Variants in TNR observed in about 807,000 individuals in gnomAD.
TNR encodes the protein tenascin R.
TNR carries 45 observed loss-of-function variants against 150.4 expected under a neutral mutation model. That is an observed-to-expected ratio of 0.30 (90% CI 0.24 to 0.38). The LOEUF (loss-of-function observed/expected upper bound fraction) is 0.38. Among genes scored for constraint, TNR ranks in the 10% least tolerant of loss-of-function variants. The probability of loss-of-function intolerance (pLI) is 1.00; values close to 1 mark genes in which losing one functional copy is unlikely to be tolerated. For synonymous variants in TNR, 687 were observed against 678.4 expected (o/e 1.01, Z -0.20); for missense variants, 1,544 against 1,759.1 (o/e 0.88, Z 2.19).
At chr1:175,406,864 A>G in intron 2 of TNR, 87 bp from the exon 3 acceptor site, 2 of 978,956 alleles carry the variant, frequency 2.0e-6, no homozygotes, top group Non-Finnish European at 2.9e-6. Context: ...GCTCAGGAGT[A>G]GGCAGCCAGA....
At chr1:175,422,889 T>G (rs901686549) in intron 2 of TNR, among the ~76,000 whole-genome samples, 5 of 152,222 alleles carry the variant, frequency 3.3e-5, no homozygotes, top group Admixed American at 6.5e-5. Flanking sequence ...TTGGACTTGA[T>G]GAGGTGGTTG....
intron 5 of TNR, among the ~76,000 whole-genome samples, chr1:175,395,635 T>C (rs903641617): frequency 6.6e-6 from 1 of 152,214 alleles, no homozygotes. Flanking sequence ...TGCAGTAGAC[T>C]TGGGGTGATG....
In TNR at chr1:175,574,965, A is replaced by G. The variant is rs116675570; in HGVS notation, c.-164-46596T>C. On this transcript the variant is annotated intron_variant, in intron 1 of 22. Transcript: ENST00000367674. ...CAGTGGTGGACAAAACAGATGTAGC[A>G]CATTCCTCATGGAATTTAGTAACTA... 6.3e-3 allele frequency among the ~76,000 whole-genome samples: 962 copies of G among 152,356 alleles called. 10 individuals carry two copies. The highest frequency in any genetic ancestry group is 0.021 in the African/African-American group (881 of 41,576).
At chr1:175,369,737 C>T (rs2236882) in intron 9 of TNR, among the ~76,000 whole-genome samples, 100,599 of 151,998 alleles carry the variant, frequency 0.66, 33,774 homozygotes, top group East Asian at 0.81. Flanking sequence ...TTCCTTCCAC[C>T]GCTCAGGGCA....
intron 3 of TNR, among the ~76,000 whole-genome samples, chr1:175,405,095 G>C (rs535557608): frequency 2.0e-5 from 3 of 152,172 alleles, no homozygotes; most frequent in Non-Finnish European, 2.9e-5. Flanking sequence ...GGATCCTATA[G>C]AGGTGAGTGC....
chr1:175,381,976 G>A (rs372402951), intron 8 of TNR, among the ~76,000 whole-genome samples: 113 of 152,246 alleles, frequency 7.4e-4, no homozygotes, highest in African/African-American at 2.6e-3. Context: ...TTCTGCCTTT[G>A]CCTGGAATGT....
chr1:175,693,842 G>A (rs1666441351), intron 1 of TNR, among the ~76,000 whole-genome samples: 1 of 152,184 alleles, frequency 6.6e-6, no homozygotes. Flanking sequence ...ATAACTTTCT[G>A]TACAATAAAA....
chr1:175,435,413 G>A (rs1458917503), intron 2 of TNR, among the ~76,000 whole-genome samples: 1 of 152,218 alleles, frequency 6.6e-6, no homozygotes, highest in Non-Finnish European at 1.5e-5. Context: ...CATTAACTAT[G>A]ATGGGAAAGA....
At chr1:175,563,557 T>TG (rs1661514348) in intron 1 of TNR, among the ~76,000 whole-genome samples, 1 of 152,184 alleles carries the variant, frequency 6.6e-6, no homozygotes, top group African/African-American at 2.4e-5. Flanking sequence ...ATGTCCACTT[T>TG]GACAGCCCCC....
chr1:175,680,537 C>A (rs1025493961), intron 1 of TNR, among the ~76,000 whole-genome samples: 13 of 151,950 alleles, frequency 8.6e-5, no homozygotes, highest in African/African-American at 2.9e-4. Flanking sequence ...TGTGTGCCAT[C>A]GGAGTAGAGA....
intron 9 of TNR, among the ~76,000 whole-genome samples, chr1:175,374,743 T>C (rs572727021): frequency 2.0e-4 from 30 of 152,332 alleles, no homozygotes; most frequent in Non-Finnish European, 4.3e-4. Context: ...GGTTAGCAAA[T>C]GCCACCATGA....
chr1:175,512,928 G>A (rs1030714099), intron 2 of TNR, among the ~76,000 whole-genome samples: 2 of 152,158 alleles, frequency 1.3e-5, no homozygotes, highest in Admixed American at 1.3e-4. Flanking sequence ...TCTGGTTTAG[G>A]TATAGTCCAG....
At chr1:175,560,741 G>A (rs1006291145) in intron 1 of TNR, among the ~76,000 whole-genome samples, 1 of 150,320 alleles carries the variant, frequency 6.7e-6, no homozygotes, top group Admixed American at 6.6e-5. Flanking sequence ...CTCATCTCTA[G>A]TCTTTTGGTA....
intron 1 of TNR, among the ~76,000 whole-genome samples, chr1:175,632,687 C>T (rs1294570735): frequency 6.6e-6 from 1 of 152,130 alleles, no homozygotes; most frequent in Non-Finnish European, 1.5e-5. Flanking sequence ...GCACTGTGTA[C>T]CTTATCTCTT....
At chr1:175,323,532 T>A in intron 22 of TNR, 56 bp from the exon 23 acceptor site, 1 of 1,584,856 alleles carries the variant, frequency 6.3e-7, no homozygotes, top group South Asian at 1.1e-5. Flanking sequence ...AACGCCCCAC[T>A]TCAAAAAAGG....
At chr1:175,604,618 G>T (rs893731093) in intron 1 of TNR, among the ~76,000 whole-genome samples, 9 of 152,148 alleles carry the variant, frequency 5.9e-5, no homozygotes, top group African/African-American at 2.2e-4. Context: ...AGTTTTTTGA[G>T]AATCTATCTT....
chr1:175,464,512 C>T (rs1045803871), intron 2 of TNR, among the ~76,000 whole-genome samples: 11 of 152,296 alleles, frequency 7.2e-5, no homozygotes, highest in Admixed American at 2.0e-4. Flanking sequence ...CTGGAAAAGA[C>T]GCACACCTCA....
chr1:175,642,583 C>T (rs538557195), intron 1 of TNR, among the ~76,000 whole-genome samples: 5 of 152,132 alleles, frequency 3.3e-5, no homozygotes, highest in South Asian at 2.1e-4. Context: ...GCAAGGATTG[C>T]GGGGAGAGTG....
chr1:175,579,217 C>A (rs952462923), intron 1 of TNR, among the ~76,000 whole-genome samples: 1 of 138,298 alleles, frequency 7.2e-6, no homozygotes, highest in Non-Finnish European at 1.6e-5. Context: ...TCTTTCCTTC[C>A]TTCCTTCTTG....
Sources: allele counts gnomAD v4.1 joint callset (sites outside exome capture counted in the v4.1 genomes callset), GRCh38; gene constraint gnomAD v4.1.1; transcripts MANE v1.5; gene names NCBI Gene and HGNC (gene_info 2026-07-23, HGNC 2026-07-21).